AGBL1: variants seen among roughly 807,000 people sequenced by gnomAD.
AGBL1 encodes cytosolic carboxypeptidase 4.
In AGBL1, 130 loss-of-function variants were observed where a neutral mutation model predicts 118.9. That is an observed-to-expected ratio of 1.09 (90% confidence interval 0.95 to 1.26). The LOEUF (loss-of-function observed/expected upper bound fraction) is 1.26, where lower values mean the gene tolerates loss of function less well. AGBL1 is among the 50% of genes most tolerant of loss of function. The pLI is 0.00. For missense variants in AGBL1, 1,584 were observed against 1,298.1 expected (o/e 1.22, Z -3.38); for synonymous variants, 555 against 478.9 (o/e 1.16, Z -2.08).
At chr15:86,317,866 G>T (rs1428491680) in intron 17 of AGBL1, among the ~76,000 whole-genome samples, 1 of 152,132 alleles carries the variant, frequency 6.6e-6, no homozygotes, top group Non-Finnish European at 1.5e-5. Flanking sequence ...TGAAATTCTT[G>T]AAGTGGAAGA....
chr15:86,322,864 T>C (rs1171815080), intron 17 of AGBL1, among the ~76,000 whole-genome samples: 1 of 152,232 alleles, frequency 6.6e-6, no homozygotes, highest in African/African-American at 2.4e-5. Context: ...TAATTTTTCT[T>C]GCCACTCCCT....
intron 19 of AGBL1, among the ~76,000 whole-genome samples, chr15:86,535,948 A>G (rs982330216): frequency 1.3e-5 from 2 of 152,214 alleles, no homozygotes; most frequent in Admixed American, 6.5e-5. Context: ...TACCACATCT[A>G]GAATTTCCCT....
intron 22 of AGBL1, among the ~76,000 whole-genome samples, chr15:86,795,787 T>C (rs557055636): frequency 8.0e-4 from 122 of 151,576 alleles, no homozygotes; most frequent in African/African-American, 2.9e-3. Flanking sequence ...AGTTTCACCA[T>C]GTTGGCCAGG....
intron 21 of AGBL1, among the ~76,000 whole-genome samples, chr15:86,617,796 C>A (rs1402566354): frequency 7.0e-6 from 1 of 141,950 alleles, no homozygotes; most frequent in African/African-American, 2.7e-5. Flanking sequence ...ACACACACAG[C>A]CAGCCAGAGC....
intron 22 of AGBL1, among the ~76,000 whole-genome samples, chr15:86,834,105 T>C (rs1300579311): frequency 6.6e-6 from 1 of 152,140 alleles, no homozygotes; most frequent in Non-Finnish European, 1.5e-5. Flanking sequence ...TAGTTTCTCC[T>C]ACACAATGGA....
At chr15:86,779,563 A>G (rs1050663794) in intron 22 of AGBL1, among the ~76,000 whole-genome samples, 2 of 152,316 alleles carry the variant, frequency 1.3e-5, no homozygotes, top group East Asian at 3.9e-4. Flanking sequence ...TTATTTGGGT[A>G]TAAATTTAAG....
chr15:86,593,553 G>T (rs922027370), intron 21 of AGBL1, among the ~76,000 whole-genome samples: 2 of 152,092 alleles, frequency 1.3e-5, no homozygotes, highest in Non-Finnish European at 1.5e-5. Flanking sequence ...TTATTTTTCT[G>T]CATGATTCAG....
rs992764410 is a variant in AGBL1 at position 86,471,514 on chromosome 15, T to A, written c.2556-51296T>A. 1.1e-4 allele frequency among the ~76,000 whole-genome samples: 16 copies of A among 143,550 alleles called. No individual in the cohort carries two copies. The South Asian group carries it at 1.3e-3, about 12-fold the overall frequency. 94.2% of individuals were successfully genotyped at this position (143,550 alleles called of 152,430 possible). ...TGGCCTATAGTTTTTTTTTTTTTTT[T>A]TATAGCTTCCTCATCTGGCTTTGCT... On this transcript the variant is annotated intron_variant, in intron 18 of 22. Coordinates refer to ENST00000614907, the MANE Select transcript of AGBL1 (RefSeq NM_001386094.1).
At chr15:86,801,310 C>CATCTGTCTATCT (rs1555451584) in intron 22 of AGBL1, among the ~76,000 whole-genome samples, 99 of 147,314 alleles carry the variant, frequency 6.7e-4, no homozygotes, top group African/African-American at 2.3e-3. Flanking sequence ...TTGATGATTA[C>CATCTGTCTATCT]ATCTATCTAT....
chr15:86,755,096 A>G (rs2077916303), intron 22 of AGBL1, among the ~76,000 whole-genome samples: 1 of 152,030 alleles, frequency 6.6e-6, no homozygotes, highest in Non-Finnish European at 1.5e-5. Context: ...TGGAGAAAAT[A>G]TTTCCACAAT....
At chr15:86,329,360 T>C (rs563145826) in intron 17 of AGBL1, among the ~76,000 whole-genome samples, 16 of 151,912 alleles carry the variant, frequency 1.1e-4, no homozygotes, top group Middle Eastern at 3.4e-3. Flanking sequence ...CTCCAAGTAT[T>C]TGGAGCACTT....
intron 21 of AGBL1, among the ~76,000 whole-genome samples, chr15:86,563,817 G>A (rs2083869586): frequency 1.3e-5 from 2 of 152,168 alleles, no homozygotes; most frequent in South Asian, 2.1e-4. Context: ...GGGTGCTCCT[G>A]TATTGGGTGC....
chr15:86,655,469 A>G (rs948444347), intron 21 of AGBL1, among the ~76,000 whole-genome samples: 1 of 152,160 alleles, frequency 6.6e-6, no homozygotes, highest in African/African-American at 2.4e-5. Flanking sequence ...GGAAGTAGGT[A>G]ATCAATAATT....
At chr15:86,347,677 C>T (rs996201314) in intron 17 of AGBL1, among the ~76,000 whole-genome samples, 2 of 152,152 alleles carry the variant, frequency 1.3e-5, no homozygotes, top group African/African-American at 4.8e-5. Context: ...TTACAAATTT[C>T]AGTTTTCCAT....
At chr15:86,772,657 G>T (rs1447771221) in intron 22 of AGBL1, among the ~76,000 whole-genome samples, 1 of 151,964 alleles carries the variant, frequency 6.6e-6, no homozygotes, top group Non-Finnish European at 1.5e-5. Context: ...GAAATAAGGG[G>T]TCTGAAAATG....
intron 17 of AGBL1, among the ~76,000 whole-genome samples, chr15:86,334,763 A>G (rs1027368708): frequency 6.6e-6 from 1 of 152,194 alleles, no homozygotes; most frequent in South Asian, 2.1e-4. Flanking sequence ...TTCTAACTAT[A>G]CTATAAGGCT....
At chr15:86,519,231 G>A (rs565143400) in intron 18 of AGBL1, among the ~76,000 whole-genome samples, 7 of 152,016 alleles carry the variant, frequency 4.6e-5, no homozygotes, top group African/African-American at 1.4e-4. Context: ...TGGATACAGA[G>A]GGCCAACTAT....
At chr15:86,179,436 A>G (rs1238537658) in intron 5 of AGBL1, among the ~76,000 whole-genome samples, 4 of 152,224 alleles carry the variant, frequency 2.6e-5, no homozygotes, top group Non-Finnish European at 5.9e-5. Flanking sequence ...ATGATTGATT[A>G]TATAAAAAAT....
chr15:86,187,448 T>C (rs965649279), intron 5 of AGBL1, among the ~76,000 whole-genome samples: 1 of 152,180 alleles, frequency 6.6e-6, no homozygotes, highest in East Asian at 1.9e-4. Flanking sequence ...CCTCAAACTA[T>C]TGAAAATAAC....
Sources: gnomAD v4.1 joint callset for allele counts (sites outside exome capture counted in the v4.1 genomes callset) on GRCh38, gnomAD v4.1.1 for gene constraint, MANE v1.5 for transcripts, NCBI Gene and HGNC (gene_info 2026-07-23, HGNC 2026-07-21) for gene names.